Variants in UQCRC2 observed in about 807,000 individuals in gnomAD.
UQCRC2 encodes the protein cytochrome b-c1 complex subunit 2, mitochondrial.
Under a neutral mutation model 55.6 loss-of-function variants are expected in UQCRC2, and 49 were observed. The observed-to-expected ratio is 0.88, with a 90% confidence interval of 0.70 to 1.12. The LOEUF is 1.12. Ranked by LOEUF, UQCRC2 falls within the 50% of genes most tolerant of loss-of-function variation. The probability of loss-of-function intolerance (pLI) is 0.00; values close to 1 mark genes in which losing one functional copy is unlikely to be tolerated. For missense variants in UQCRC2, 506 were observed against 547.8 expected (o/e 0.92, Z 0.76); for synonymous variants, 193 against 192.0 (o/e 1.01, Z -0.04).
chr16:21,972,147 T>A, intron 10 of UQCRC2, 25 bp downstream of exon 10: 1 of 1,599,554 alleles, frequency 6.3e-7, no homozygotes, highest in Middle Eastern at 1.7e-4. Context: ...TTGGTATCTC[T>A]CTTTTTGCTT....
At chr16:21,957,189 A>G (rs1283381546) in intron 1 of UQCRC2, 46 bp from the exon 2 acceptor site, 5 of 1,588,614 alleles carry the variant, frequency 3.1e-6, no homozygotes, top group Admixed American at 1.7e-5. Context: ...TATATAAAGC[A>G]CTGTTCTTGT....
At chr16:21,957,132 C>G in intron 1 of UQCRC2, 103 bp from the exon 2 acceptor site, 4 of 1,073,916 alleles carry the variant, frequency 3.7e-6, no homozygotes, top group Non-Finnish European at 5.4e-6. Context: ...GCTCCTTCCA[C>G]CCCCGAACAC....
chr16:21,958,471 A>T, intron 3 of UQCRC2, 64 bp from the exon 4 acceptor site: 1 of 1,378,952 alleles, frequency 7.3e-7, no homozygotes, highest in Non-Finnish European at 1.0e-6. Flanking sequence ...ATTTTGATAT[A>T]GTGTGATGTT....
At chr16:21,964,049 G>A (rs1025576319) in intron 6 of UQCRC2, among the ~76,000 whole-genome samples, 2 of 152,080 alleles carry the variant, frequency 1.3e-5, no homozygotes, top group Non-Finnish European at 2.9e-5. Context: ...ACTTCTGGTG[G>A]GAGCAGAAAT....
intron 11 of UQCRC2, 88 bp from the exon 12 acceptor site, chr16:21,976,079 G>T (rs753019422): frequency 4.9e-6 from 4 of 821,894 alleles, no homozygotes; most frequent in Non-Finnish European, 8.2e-6. Context: ...CCTTCCATCT[G>T]TGTTTTTGCC....
At chr16:21,965,526 G>T in intron 7 of UQCRC2, 21 bp downstream of exon 7, 2 of 1,520,744 alleles carry the variant, frequency 1.3e-6, no homozygotes, top group South Asian at 2.5e-5. Flanking sequence ...AACATATTTT[G>T]AAATGTGCTT....
chr16:21,966,317 C>T (rs773290471), intron 7 of UQCRC2, among the ~76,000 whole-genome samples: 7 of 152,100 alleles, frequency 4.6e-5, no homozygotes, highest in African/African-American at 1.2e-4. Flanking sequence ...CACCAGCCTC[C>T]GTTTGCTGGC....
At chr16:21,969,664 T>C (rs1355556005) in intron 8 of UQCRC2, among the ~76,000 whole-genome samples, 1 of 152,230 alleles carries the variant, frequency 6.6e-6, no homozygotes, top group African/African-American at 2.4e-5. Context: ...TGTTTTGTTT[T>C]GCAAATTACA....
intron 8 of UQCRC2, 33 bp downstream of exon 8, chr16:21,968,718 G>A (rs771671613): frequency 1.3e-6 from 2 of 1,585,750 alleles, no homozygotes; most frequent in Non-Finnish European, 1.7e-6. Flanking sequence ...CTGTCAGTTT[G>A]CTTCCTTAAG....
chr16:21,973,848 T>C, intron 10 of UQCRC2, 48 bp from the exon 11 acceptor site: 1 of 1,557,992 alleles, frequency 6.4e-7, no homozygotes, highest in Non-Finnish European at 8.8e-7. Context: ...AATCGTGCCC[T>C]GTTTTACTTG....
At chr16:21,963,232 A>G (rs139644967) in intron 6 of UQCRC2, 1 of 169,558 alleles carries the variant, frequency 5.9e-6, no homozygotes. Context: ...CCTGGCCTCA[A>G]GTGATCCACC....
chr16:21,962,547 C>T, intron 5 of UQCRC2, 31 bp downstream of exon 5: 6 of 1,613,720 alleles, frequency 3.7e-6, no homozygotes, highest in Non-Finnish European at 5.1e-6. Flanking sequence ...AGGACTTCTG[C>T]TTTGAAAGAA....
chr16:21,954,922 G>T (rs566565688), intron 1 of UQCRC2, among the ~76,000 whole-genome samples: 3 of 151,478 alleles, frequency 2.0e-5, no homozygotes, highest in Non-Finnish European at 4.4e-5. Flanking sequence ...CGTGGTGGTG[G>T]TGGGCGCCTC....
At chr16:21,980,183 GC>G in intron 12 of UQCRC2, 1 of 220,902 alleles carries the variant, frequency 4.5e-6, no homozygotes, top group Non-Finnish European at 9.3e-6. Flanking sequence ...GCTGCGACTG[GC>G]CAGTGACATG....
At chr16:21,961,385 T>C (rs1217247587) in intron 4 of UQCRC2, 1 of 428,296 alleles carries the variant, frequency 2.3e-6, no homozygotes, top group Admixed American at 2.5e-5. Flanking sequence ...CATTACGGAA[T>C]GAACTAGATC....
At chr16:21,980,833 C>T (rs1180992623) in intron 13 of UQCRC2, 133 bp downstream of exon 13, 1 of 1,017,488 alleles carries the variant, frequency 9.8e-7, no homozygotes, top group Admixed American at 2.9e-5. Context: ...AATGTGGAGG[C>T]AGGAGGGCTC....
At chr16:21,957,348 C>T (rs976819799) in intron 2 of UQCRC2, 30 bp downstream of exon 2, 1 of 1,613,796 alleles carries the variant, frequency 6.2e-7, no homozygotes, top group Non-Finnish European at 8.5e-7. Context: ...TCGCTGGAAG[C>T]TATACATGCC....
At position 21,973,907 on chromosome 16, in the gene UQCRC2, T is replaced by C; in HGVS notation, c.978T>C (p.Phe326=). 6.2e-7 allele frequency: 1 copy of C among 1,613,166 alleles called. No individual in the cohort carries two copies. The highest frequency in any genetic ancestry group is 8.5e-7 in the Non-Finnish European group (1 of 1,179,634). The change falls in exon 11 of 14, where the codon TTT becomes TTC. Residue 326 remains phenylalanine (F), a synonymous_variant. Coordinates refer to ENST00000268379, the MANE Select transcript of UQCRC2 (RefSeq NM_003366.4). The part of the protein sequence containing the change: ...ATQQPFDVSA[F]NASYSDSGLF... The stretch of plus-strand genomic sequence containing the variant: ...TCATTATCTTTCAGGTTTCTGCATT[T>C]AATGCCAGTTACTCAGATTCTGGAC...
At chr16:21,981,846 T>C (rs961636097) in intron 13 of UQCRC2, among the ~76,000 whole-genome samples, 2 of 146,972 alleles carry the variant, frequency 1.4e-5, no homozygotes, top group Admixed American at 1.4e-4. Context: ...ATACTCTTCT[T>C]TTTTTTTTTT....
Sources: allele counts gnomAD v4.1 joint callset (sites outside exome capture counted in the v4.1 genomes callset), GRCh38; gene constraint gnomAD v4.1.1; transcripts MANE v1.5; gene names NCBI Gene and HGNC (gene_info 2026-07-23, HGNC 2026-07-21).